Variants in RFX4 observed in about 807,000 individuals in gnomAD.
The protein encoded by RFX4 is regulatory factor X4.
RFX4 carries 10 observed loss-of-function variants against 95.0 expected under a neutral mutation model. The ratio of observed to expected loss-of-function variants is 0.11; its 90% CI spans 0.06 to 0.18. The LOEUF (loss-of-function observed/expected upper bound fraction) is 0.18, where lower values mean the gene tolerates loss of function less well. RFX4 is among the 10% of genes least tolerant of loss of function. The pLI is 1.00. For synonymous variants in RFX4, 321 were observed against 340.7 expected, an observed-to-expected ratio of 0.94 and a Z score of 0.64; for missense variants, 640 against 922.0, an observed-to-expected ratio of 0.69 and a Z score of 3.96.
At chr12:106,702,822 A>T (rs1398253952) in intron 8 of RFX4, among the ~76,000 whole-genome samples, 1 of 152,050 alleles carries the variant, frequency 6.6e-6, no homozygotes, top group Non-Finnish European at 1.5e-5. Context: ...CTTTTGTTCC[A>T]TAAGGGAGAA....
At chr12:106,706,302 T>A (rs1275900447) in intron 8 of RFX4, among the ~76,000 whole-genome samples, 3 of 152,086 alleles carry the variant, frequency 2.0e-5, no homozygotes, top group African/African-American at 7.2e-5. Flanking sequence ...GTGAAAACAT[T>A]GAGGAGTTTT....
At chr12:106,746,332 G>A (rs1398544082) in intron 15 of RFX4, among the ~76,000 whole-genome samples, 1 of 150,116 alleles carries the variant, frequency 6.7e-6, no homozygotes, top group Non-Finnish European at 1.5e-5. Flanking sequence ...CTCCAGCCTA[G>A]GTGACAGAGT....
chr12:106,652,446 G>A (rs1033451272), intron 3 of RFX4, among the ~76,000 whole-genome samples: 1 of 152,166 alleles, frequency 6.6e-6, no homozygotes, highest in Non-Finnish European at 1.5e-5. Context: ...CACTTACTGA[G>A]CCCCTACTGT....
intron 2 of RFX4, among the ~76,000 whole-genome samples, chr12:106,623,016 TG>T (rs2040215912): frequency 6.6e-6 from 1 of 151,308 alleles, no homozygotes; most frequent in Admixed American, 6.6e-5. Flanking sequence ...CAGGTCTATA[TG>T]TCTGCCTTTC....
intron 5 of RFX4, chr12:106,684,699 G>C: frequency 6.8e-7 from 1 of 1,480,088 alleles, no homozygotes; most frequent in South Asian, 1.4e-5. Context: ...CACCCACAGA[G>C]TGAGTTCCAG....
At chr12:106,637,282 C>T (rs2040532922) in intron 2 of RFX4, among the ~76,000 whole-genome samples, 1 of 152,134 alleles carries the variant, frequency 6.6e-6, no homozygotes, top group Non-Finnish European at 1.5e-5. Context: ...ACAGTATCTG[C>T]CACAGTGCTT....
intron 4 of RFX4, among the ~76,000 whole-genome samples, chr12:106,679,951 T>C (rs2041472257): frequency 6.6e-6 from 1 of 152,178 alleles, no homozygotes; most frequent in South Asian, 2.1e-4. Context: ...TTTACTCAGG[T>C]CACCACAATT....
chr12:106,716,706 A>T (rs1271486157), intron 11 of RFX4, among the ~76,000 whole-genome samples: 1 of 152,024 alleles, frequency 6.6e-6, no homozygotes, highest in Non-Finnish European at 1.5e-5. Context: ...AATTTTAGAG[A>T]TCATCACTAA....
chr12:106,593,218 TAAAAGAAC>T (rs1323732500), intron 1 of RFX4, among the ~76,000 whole-genome samples: 3 of 152,230 alleles, frequency 2.0e-5, no homozygotes, highest in Non-Finnish European at 4.4e-5. Context: ...TGTTTTAATT[TAAAAGAAC>T]AATGAGAAAG....
rs2041673624 is a variant in RFX4 at position 106,687,171 on chromosome 12, C to G, written c.591+74C>G. On this transcript the variant is annotated intron_variant, in intron 6 of 17. Coordinates refer to ENST00000392842, the MANE Select transcript of RFX4 (RefSeq NM_213594.3). ...TCTCTCTCTCTCTCTGTCTCTATCT[C>G]TCTCTCTCTCTCACACACACACACA... 7 of 770,046 alleles carry G rather than the reference C, an allele frequency of 9.1e-6. No homozygotes were observed. In the South Asian group the frequency reaches 1.1e-4, roughly 12 times the overall value. The allele number at this position is 770,046 out of a possible 1,614,324, so 47.7% of individuals were successfully genotyped here.
At chr12:106,739,983 C>T (rs1301063981) in intron 15 of RFX4, among the ~76,000 whole-genome samples, 1 of 152,158 alleles carries the variant, frequency 6.6e-6, no homozygotes, top group Admixed American at 6.5e-5. Flanking sequence ...CGTTAAGCTC[C>T]TACTCTGTCC....
At chr12:106,758,503 G>A (rs1425114165) in intron 17 of RFX4, among the ~76,000 whole-genome samples, 1 of 152,010 alleles carries the variant, frequency 6.6e-6, no homozygotes. Flanking sequence ...CCTTGACTAG[G>A]CAAAAAAGCC....
chr12:106,655,016 A>G (rs1011048435), intron 4 of RFX4, among the ~76,000 whole-genome samples: 1 of 152,174 alleles, frequency 6.6e-6, no homozygotes, highest in Non-Finnish European at 1.5e-5. Context: ...TTCTATGTGT[A>G]ATTTTTTCTG....
At chr12:106,650,315 C>T (rs1023738320) in intron 3 of RFX4, among the ~76,000 whole-genome samples, 1 of 152,134 alleles carries the variant, frequency 6.6e-6, no homozygotes, top group Non-Finnish European at 1.5e-5. Flanking sequence ...TTTATCTTCC[C>T]CACAGCTTGT....
chr12:106,668,052 T>C (rs566898367), intron 4 of RFX4, among the ~76,000 whole-genome samples: 3 of 152,222 alleles, frequency 2.0e-5, no homozygotes, highest in Admixed American at 1.3e-4. Flanking sequence ...GCCTCAATAG[T>C]GGCTTAAATA....
At chr12:106,711,854 A>G (rs1239240286) in intron 10 of RFX4, among the ~76,000 whole-genome samples, 1 of 152,230 alleles carries the variant, frequency 6.6e-6, no homozygotes, top group African/African-American at 2.4e-5. Flanking sequence ...ATCTGAGTTC[A>G]AAGCCACATA....
chr12:106,640,937 T>C (rs1307921350), intron 3 of RFX4, among the ~76,000 whole-genome samples: 1 of 151,980 alleles, frequency 6.6e-6, no homozygotes, highest in Non-Finnish European at 1.5e-5. Context: ...CCTGCCAACA[T>C]GCCCGGCTAA....
chr12:106,697,654 G>A (rs193046402), intron 8 of RFX4, among the ~76,000 whole-genome samples: 16 of 152,054 alleles, frequency 1.1e-4, no homozygotes, highest in East Asian at 9.7e-4. Context: ...TCTGGCTCCC[G>A]GTGTTGCCAG....
chr12:106,596,606 G>A (rs1161065900), intron 1 of RFX4, among the ~76,000 whole-genome samples: 6 of 152,274 alleles, frequency 3.9e-5, no homozygotes, highest in African/African-American at 9.6e-5. Flanking sequence ...AGTAAGATTC[G>A]GTCACATGCA....
Sources: gnomAD v4.1 joint callset for allele counts (sites outside exome capture counted in the v4.1 genomes callset) on GRCh38, gnomAD v4.1.1 for gene constraint, MANE v1.5 for transcripts, NCBI Gene and HGNC (gene_info 2026-07-23, HGNC 2026-07-21) for gene names.